The following EYS variants were observed in gnomAD, a reference collection of about 807,000 sequenced individuals.
EYS encodes EGF-like photoreceptor maintenance factor.
A neutral mutation model predicts 282.1 loss-of-function variants in EYS; 250 were observed. That is an observed-to-expected ratio of 0.89 (90% confidence interval 0.80 to 0.98). EYS has a LOEUF of 0.98. Among genes scored for constraint, EYS ranks in the 50% least tolerant of loss-of-function variants. The probability of loss-of-function intolerance (pLI) is 0.00; values close to 1 mark genes in which losing one functional copy is unlikely to be tolerated. For missense variants in EYS, 4,016 were observed against 3,709.0 expected, an observed-to-expected ratio of 1.08 and a Z score of -2.15; for synonymous variants, 1,355 against 1,282.9, an observed-to-expected ratio of 1.06 and a Z score of -1.20.
chr6:65,139,807 A>G, intron 12 of EYS, among the ~76,000 whole-genome samples: 1 of 152,048 alleles, frequency 6.6e-6, no homozygotes, highest in Non-Finnish European at 1.5e-5. Context: ...AGGTTTCTCA[A>G]ATAACTTAAA....
rs571705460 is a variant in EYS, at chr6:65,665,487, A to C, written c.-447-25595T>G. ...TAGATTATTTTCTTAAAAATGGCAC[A>C]AGGTTTTATGAGAATTACAGCAGAA... On this transcript the variant is annotated intron_variant, in intron 1 of 42. Coordinates refer to ENST00000503581, the MANE Select transcript of EYS (RefSeq NM_001142800.2). Among the ~76,000 whole-genome samples the C allele has an allele frequency of 2.0e-5, 3 of 152,278 alleles. No homozygotes were observed. The South Asian group carries it at 6.2e-4, about 32-fold the overall frequency.
At chr6:65,468,676 T>C (rs1765096358) in intron 5 of EYS, among the ~76,000 whole-genome samples, 1 of 148,816 alleles carries the variant, frequency 6.7e-6, no homozygotes, top group South Asian at 2.1e-4. Flanking sequence ...AAATCACAAA[T>C]AAAAAACATA....
chr6:65,360,500 C>G (rs867256810), intron 8 of EYS, among the ~76,000 whole-genome samples: 2 of 151,842 alleles, frequency 1.3e-5, no homozygotes, highest in Admixed American at 6.6e-5. Flanking sequence ...CTCTGGGGAC[C>G]AAGGGAAATC....
At chr6:64,305,791 G>C (rs1769420989) in intron 30 of EYS, among the ~76,000 whole-genome samples, 1 of 152,060 alleles carries the variant, frequency 6.6e-6, no homozygotes, top group South Asian at 2.1e-4. Context: ...AAAACATAGG[G>C]AAAAAGGCTC....
intron 31 of EYS, among the ~76,000 whole-genome samples, chr6:64,154,049 T>C (rs1292112849): frequency 1.3e-5 from 2 of 152,202 alleles, no homozygotes; most frequent in South Asian, 2.1e-4. Context: ...ACTTACTGTT[T>C]TTAGATATTT....
chr6:63,906,009 G>A (rs2149734601), intron 35 of EYS, among the ~76,000 whole-genome samples: 1 of 152,264 alleles, frequency 6.6e-6, no homozygotes, highest in African/African-American at 2.4e-5. Context: ...TCATTTGAAT[G>A]TCTGCTCTTA....
chr6:64,059,859 A>G (rs2149850389), intron 33 of EYS, among the ~76,000 whole-genome samples: 1 of 152,314 alleles, frequency 6.6e-6, no homozygotes, highest in East Asian at 1.9e-4. Flanking sequence ...TTATATATTT[A>G]CACACATGCC....
chr6:64,601,384 C>G (rs1442190085), intron 24 of EYS, among the ~76,000 whole-genome samples: 4 of 151,842 alleles, frequency 2.6e-5, no homozygotes, highest in African/African-American at 9.7e-5. Flanking sequence ...TTCAGTCTCT[C>G]CATTCTAACA....
chr6:64,757,736 TTTTTTCTTTGTG>T lies in EYS; in HGVS notation c.3443+55630_3443+55641del, dbSNP rs751805339. ...TCTACAAAAGATTAATTTTTTTTCT[TTTTTTCTTTGTG>T]TGTGTGTGTGTGTGTGTGTGTGTGT... On this transcript the variant is annotated intron_variant, in intron 22 of 42. Coordinates refer to ENST00000503581, the MANE Select transcript of EYS (RefSeq NM_001142800.2). Among the ~76,000 whole-genome samples the T allele has an allele frequency of 9.5e-3, 1,259 of 131,906 alleles. 9 individuals are homozygous for T. The highest frequency in any genetic ancestry group is 0.015 in the Middle Eastern group (4 of 262). 86.5% of individuals were successfully genotyped at this position (131,906 alleles called of 152,430 possible). A position where few individuals can be genotyped will look rare whatever the true frequency, so the allele number is the denominator to read the frequency against.
At chr6:65,668,727 A>C (rs760857423) in intron 1 of EYS, among the ~76,000 whole-genome samples, 1 of 151,896 alleles carries the variant, frequency 6.6e-6, no homozygotes, top group Non-Finnish European at 1.5e-5. Flanking sequence ...ATCTCTTATT[A>C]GCCTTTAAAC....
chr6:65,186,631 T>C (rs1315371121), intron 12 of EYS, among the ~76,000 whole-genome samples: 1 of 151,808 alleles, frequency 6.6e-6, no homozygotes, highest in Non-Finnish European at 1.5e-5. Context: ...CTAAGAATTA[T>C]GGATCATTTC....
chr6:64,437,931 T>A (rs1373513469), intron 27 of EYS, among the ~76,000 whole-genome samples: 2 of 151,600 alleles, frequency 1.3e-5, no homozygotes, highest in African/African-American at 2.4e-5. Context: ...AATCACATCA[T>A]AAAAGAAATG....
In EYS at chr6:64,902,505, A is replaced by G. The variant is rs767752603; in HGVS notation, c.2642-5T>C. 1 of 1,513,710 alleles carries G rather than the reference A, an allele frequency of 6.6e-7. No individual in the cohort carries two copies. The highest frequency in any genetic ancestry group is 8.9e-7 in the Non-Finnish European group (1 of 1,126,292). 93.8% of individuals were successfully genotyped at this position (1,513,710 alleles called of 1,614,324 possible). Reference sequence around the variant, plus strand: ...CACAGTTTTTACCTTCAAATTCTGCAAAGAGTATGAGATGAGTATGGATGA... The same window carrying G: ...CACAGTTTTTACCTTCAAATTCTGCGAAGAGTATGAGATGAGTATGGATGA... On this transcript the variant is annotated splice_polypyrimidine_tract_variant and splice_region_variant and intron_variant, in intron 16 of 42. Transcript: ENST00000503581.
chr6:65,626,789 G>C (rs1766708731), intron 2 of EYS, among the ~76,000 whole-genome samples: 1 of 151,658 alleles, frequency 6.6e-6, no homozygotes, highest in Non-Finnish European at 1.5e-5. Context: ...GATAATAATA[G>C]TAATAATAGA....
intron 41 of EYS, chr6:63,743,999 G>A (rs1453617411): frequency 1.3e-5 from 2 of 152,124 alleles, no homozygotes; most frequent in Non-Finnish European, 2.9e-5. Flanking sequence ...GATGTTATGA[G>A]GCAGCATCTT....
intron 31 of EYS, among the ~76,000 whole-genome samples, chr6:64,158,655 C>T (rs1352983417): frequency 6.6e-6 from 1 of 152,184 alleles, no homozygotes; most frequent in East Asian, 1.9e-4. Flanking sequence ...CCTGAACAAT[C>T]GTTGGGTCAC....
At chr6:65,178,629 A>G (rs938771137) in intron 12 of EYS, among the ~76,000 whole-genome samples, 3 of 151,950 alleles carry the variant, frequency 2.0e-5, no homozygotes, top group Non-Finnish European at 2.9e-5. Flanking sequence ...TTAACACCCC[A>G]CTGTCAACAT....
intron 31 of EYS, among the ~76,000 whole-genome samples, chr6:64,173,856 A>G (rs1433350648): frequency 6.6e-6 from 1 of 152,188 alleles, no homozygotes; most frequent in Admixed American, 6.6e-5. Flanking sequence ...ACAAATCTGG[A>G]AGAAGTATCT....
chr6:64,525,459 G>A (rs2150528334), intron 26 of EYS, among the ~76,000 whole-genome samples: 1 of 151,846 alleles, frequency 6.6e-6, no homozygotes, highest in African/African-American at 2.4e-5. Context: ...ACTTATAAAT[G>A]GGAGCTGAAT....
Sources: gnomAD v4.1 joint callset for allele counts (sites outside exome capture counted in the v4.1 genomes callset) on GRCh38, gnomAD v4.1.1 for gene constraint, MANE v1.5 for transcripts, NCBI Gene and HGNC (gene_info 2026-07-23, HGNC 2026-07-21) for gene names.